The following ITGA10 variants were observed in gnomAD, a reference collection of about 807,000 sequenced individuals.
ITGA10 encodes integrin subunit alpha 10.
A neutral mutation model predicts 145.2 loss-of-function variants in ITGA10; 105 were observed. The observed-to-expected ratio is 0.72, with a 90% confidence interval of 0.62 to 0.85. The LOEUF is 0.85. Among genes scored for constraint, ITGA10 ranks in the 40% least tolerant of loss-of-function variants. ITGA10 has a pLI of 0.00. For missense variants in ITGA10, 1,317 were observed against 1,444.5 expected, an observed-to-expected ratio of 0.91 and a Z score of 1.43; for synonymous variants, 506 against 557.8, an observed-to-expected ratio of 0.91 and a Z score of 1.31.
At position 145,896,826 on chromosome 1, in the gene ITGA10, T is replaced by C. The variant is rs1559193079; in HGVS notation, c.2777A>G (p.Asp926Gly). The change falls in exon 23 of 30, where the codon GAT becomes GGT. Residue 926 changes from aspartate to glycine, a missense_variant. By Grantham distance (94) the Asp-to-Gly change is moderately conservative. Coordinates refer to ENST00000369304, the MANE Select transcript of ITGA10 (RefSeq NM_003637.5). ...GTAGGCTGAGGTCTGGGCTGTGTTATCTTGAAGGGTCCCATTTCTCTCCAG... is the reference window on the plus strand; with the variant it reads ...GTAGGCTGAGGTCTGGGCTGTGTTACCTTGAAGGGTCCCATTTCTCTCCAG... Reference protein sequence around the residue: ...DSLERNGTLQDNTAQTSAYIQ... With the variant: ...DSLERNGTLQGNTAQTSAYIQ... 2.5e-6 allele frequency: 4 copies of C among 1,613,924 alleles called. No individual in the cohort carries two copies. The highest frequency in any genetic ancestry group is 1.3e-5 in the African/African-American group (1 of 74,870).
chr1:145,910,046 C>A lies in ITGA10; in HGVS notation c.-32G>T. The A allele has an allele frequency of 6.4e-7, 1 of 1,567,560 alleles. No individual in the cohort carries two copies. The highest frequency in any genetic ancestry group is 1.1e-5 in the South Asian group (1 of 90,106). ...TCGGTTTCTGTCCAGTATGAGAAGT[C>A]CTCTGGCCTCTGTCCCTCTCCTTTT... On this transcript the variant is annotated 5_prime_UTR_variant, in exon 1 of 30. Transcript: ENST00000369304.
intron 23 of ITGA10, among the ~76,000 whole-genome samples, 169 bp downstream of exon 23, chr1:145,896,600 G>A (rs1655441538): frequency 6.6e-6 from 1 of 152,200 alleles, no homozygotes; most frequent in African/African-American, 2.4e-5. Flanking sequence ...AGGAAAGTAA[G>A]ATGCTTAAAA....
rs782044021 is a variant in ITGA10 at position 145,901,316 on chromosome 1, G to T, written c.1444-38C>A. On this transcript the variant is annotated intron_variant, in intron 12 of 29. Transcript: ENST00000369304. The surrounding 1 kb of genome is among the most constrained non-coding windows in gnomAD (Gnocchi z 4.3). ...GGGTGATGATGACCCCAGAGAAAAG[G>T]GAAGGTAACTGTAGACAAGTGGACT... 19 of 1,610,942 alleles carry T rather than the reference G, an allele frequency of 1.2e-5. No individual in the cohort carries two copies. The highest frequency in any genetic ancestry group is 1.7e-4 in the Middle Eastern group (1 of 6,046).
At chr1:145,903,454 A>G (rs1411394668) in intron 7 of ITGA10, among the ~76,000 whole-genome samples, 1 of 152,124 alleles carries the variant, frequency 6.6e-6, no homozygotes, top group Non-Finnish European at 1.5e-5. Flanking sequence ...GAGTGGAGGG[A>G]TAGAAAGAGA....
intron 27 of ITGA10, among the ~76,000 whole-genome samples, chr1:145,893,992 C>A (rs1655042508): frequency 6.6e-6 from 1 of 151,292 alleles, no homozygotes; most frequent in Non-Finnish European, 1.5e-5. Flanking sequence ...CCCACCAACA[C>A]TGGTGTTTAC....
chr1:145,896,205 T>G (rs61814243), intron 24 of ITGA10, 63 bp downstream of exon 24: 1 of 1,493,518 alleles, frequency 6.7e-7, no homozygotes, highest in Non-Finnish European at 9.3e-7. Flanking sequence ...CTTCCCATCC[T>G]TTTCCCACAA....
chr1:145,903,002 G>GACACACACACACACACACACAC, intron 7 of ITGA10, 41 bp from the exon 8 acceptor site: 1 of 1,097,036 alleles, frequency 9.1e-7, no homozygotes. Flanking sequence ...GATGTATGCA[G>GACACACACACACACACACACAC]ACACACACAC....
rs1318792210 is a variant in ITGA10 at position 145,901,047 on chromosome 1, C to T, written c.1588-54G>A. On this transcript the variant is annotated intron_variant, in intron 13 of 29. Transcript: ENST00000369304. The surrounding 1 kb of genome is among the most constrained non-coding windows in gnomAD (Gnocchi z 4.3). ...TAATCTGGCAGACCCAACCTCTCAGCAAACCCTCAAATATGTGCACCTTCC... is the reference window on the plus strand; with the variant it reads ...TAATCTGGCAGACCCAACCTCTCAGTAAACCCTCAAATATGTGCACCTTCC... The T allele has an allele frequency of 3.1e-6, 5 of 1,612,852 alleles. No homozygotes were observed. In the African/African-American group the frequency reaches 5.3e-5, roughly 17 times the overall value.
chr1:145,904,685 T>C lies in ITGA10; in HGVS notation c.608A>G (p.Gln203Arg). The C allele has an allele frequency of 6.2e-7, 1 of 1,613,982 alleles. No homozygotes were observed. The highest frequency in any genetic ancestry group is 8.5e-7 in the Non-Finnish European group (1 of 1,179,892). The stretch of plus-strand genomic sequence containing the variant: ...CCAGCTCATATTGCCTTCTCTTACC[T>C]GTATCTGTTCTGGGTCAATAAACAG... Reference protein sequence around the residue: ...GKLFIDPEQIQVGLVQYGESP... With the variant: ...GKLFIDPEQIRVGLVQYGESP... The change falls in exon 6 of 30, where the codon CAG (glutamine) becomes CGG (arginine). Residue 203 changes from glutamine to arginine, a missense_variant and splice_region_variant. Physicochemically the swap from Gln to Arg is conservative, Grantham distance 43 (BLOSUM62 1). Transcript: ENST00000369304.
rs1553743673 is a variant in ITGA10 at position 145,892,905 on chromosome 1, T to C, written c.3439-42A>G. The C allele has an allele frequency of 2.7e-6, 4 of 1,509,436 alleles. No homozygotes were observed. In the East Asian group the frequency reaches 9.0e-5, roughly 34 times the overall value. The allele number at this position is 1,509,436 out of a possible 1,614,324, so 93.5% of individuals were successfully genotyped here. ...AAGCGTCACTGCCAAATGCCTAGAC[T>C]GGGAACCTTGCCAGTAGCTCTCAGA... On this transcript the variant is annotated intron_variant, in intron 29 of 29. Coordinates refer to ENST00000369304, the MANE Select transcript of ITGA10 (RefSeq NM_003637.5).
Position 145,891,262 on chromosome 1 carries a change from CT to C in ITGA10, c.*1535del, listed in dbSNP as rs1654730511. 6.6e-6 allele frequency: 1 copy of C among 152,598 alleles called. No individual in the cohort carries two copies. Among genetic ancestry groups the C allele is most frequent in the African/African-American group, 2.4e-5 (1 of 41,428 alleles). 9.5% of individuals were successfully genotyped at this position (152,598 alleles called of 1,614,324 possible). A position where few individuals can be genotyped will look rare whatever the true frequency, so the allele number is the denominator to read the frequency against. ...ACCATCTGATATACTGTCCACCCCA[CT>C]GGGAAACAGAGACAATGCCCATGAG... On this transcript the variant is annotated 3_prime_UTR_variant, in exon 30 of 30. Transcript: ENST00000369304.
chr1:145,904,534 A>AT (rs797027477), intron 6 of ITGA10, 150 bp downstream of exon 6: 9,352 of 724,814 alleles, frequency 0.013, no homozygotes, highest in Non-Finnish European at 0.015. Flanking sequence ...ATGCCTGGCT[A>AT]TTTTTTTTTT....
intron 27 of ITGA10, among the ~76,000 whole-genome samples, chr1:145,894,153 C>T (rs983903685): frequency 1.3e-5 from 2 of 149,074 alleles, no homozygotes; most frequent in African/African-American, 5.0e-5. Context: ...GCTCTGTCAC[C>T]CAGGCTGGAG....
At chr1:145,894,252 T>C (rs587715243) in intron 27 of ITGA10, among the ~76,000 whole-genome samples, 10 of 151,524 alleles carry the variant, frequency 6.6e-5, no homozygotes, top group Non-Finnish European at 1.0e-4. Context: ...GCTGGGACTA[T>C]AGGCGCCTGC....
intron 29 of ITGA10, 66 bp from the exon 30 acceptor site, chr1:145,892,929 G>T: frequency 1.6e-6 from 2 of 1,251,042 alleles, no homozygotes; most frequent in Non-Finnish European, 1.2e-6. Context: ...GTAGCTCTCA[G>T]ACTTATCTGA....
intron 3 of ITGA10, 49 bp from the exon 4 acceptor site, chr1:145,906,873 G>T: frequency 7.3e-7 from 1 of 1,374,332 alleles, no homozygotes; most frequent in South Asian, 1.2e-5. Context: ...TCATAGATGG[G>T]GTGCTTGAAT....
chr1:145,907,330 C>G, intron 2 of ITGA10, 24 bp downstream of exon 2: 1 of 1,614,206 alleles, frequency 6.2e-7, no homozygotes, highest in Non-Finnish European at 8.5e-7. Flanking sequence ...TCCCAATCCC[C>G]TGGCACTCCG....
intron 14 of ITGA10, among the ~76,000 whole-genome samples, chr1:145,900,463 A>G (rs1398997288): frequency 2.6e-5 from 4 of 152,002 alleles, no homozygotes; most frequent in Admixed American, 1.3e-4. Flanking sequence ...GAGTTTCATC[A>G]TGTTGGCCAG....
chr1:145,897,394 T>C, intron 20 of ITGA10, 55 bp from the exon 21 acceptor site: 2 of 1,593,726 alleles, frequency 1.3e-6, no homozygotes, highest in Non-Finnish European at 1.7e-6. Context: ...ACTGCTGTCC[T>C]ACCCACAGCC....
Sources: gnomAD v4.1 joint callset for allele counts (sites outside exome capture counted in the v4.1 genomes callset) on GRCh38, gnomAD v4.1.1 for gene constraint, Gnocchi (gnomAD v3.1) non-coding constraint, MANE v1.5 for transcripts, NCBI Gene and HGNC (gene_info 2026-07-23, HGNC 2026-07-21) for gene names.